The following ABHD17B variants were observed in gnomAD, a reference collection of about 807,000 sequenced individuals.
ABHD17B encodes alpha/beta hydrolase domain-containing protein 17B.
Under a neutral mutation model 26.2 loss-of-function variants are expected in ABHD17B, and 9 were observed. The ratio of observed to expected loss-of-function variants is 0.34; its 90% CI spans 0.21 to 0.60. The LOEUF is 0.60. Among genes scored for constraint, ABHD17B ranks in the 20% least tolerant of loss-of-function variants. The pLI, the probability that ABHD17B is intolerant of heterozygous loss-of-function variation, is 0.80. For missense variants in ABHD17B, 224 were observed against 352.1 expected (o/e 0.64, Z 2.91); for synonymous variants, 127 against 122.3 (o/e 1.04, Z -0.25).
chr9:71,879,343 G>A (rs931126846), intron 1 of ABHD17B, among the ~76,000 whole-genome samples: 1 of 152,206 alleles, frequency 6.6e-6, no homozygotes, highest in African/African-American at 2.4e-5. Context: ...TGGTGAATAT[G>A]AATACGAAGA....
chr9:71,898,526 C>A (rs1245394028), intron 1 of ABHD17B, among the ~76,000 whole-genome samples: 3 of 151,482 alleles, frequency 2.0e-5, no homozygotes, highest in Admixed American at 6.6e-5. Context: ...GTAATCCCAA[C>A]TACTCAGGAG....
chr9:71,890,623 G>C (rs557276882), intron 1 of ABHD17B, among the ~76,000 whole-genome samples: 3 of 152,250 alleles, frequency 2.0e-5, no homozygotes, highest in Admixed American at 1.3e-4. Context: ...AAAACTCAGA[G>C]AATAAACAGC....
intron 1 of ABHD17B, among the ~76,000 whole-genome samples, chr9:71,895,438 T>C (rs1040902035): frequency 2.0e-5 from 3 of 152,226 alleles, no homozygotes; most frequent in Non-Finnish European, 4.4e-5. Context: ...AAATAGGGTA[T>C]ATAATTGTGT....
chr9:71,886,808 C>G (rs1417614672), intron 1 of ABHD17B, among the ~76,000 whole-genome samples: 1 of 152,108 alleles, frequency 6.6e-6, no homozygotes, highest in African/African-American at 2.4e-5. Flanking sequence ...AAAGTCAGCT[C>G]TGCTTGAAGA....
rs956504567 is a variant in ABHD17B, at chr9:71,905,012, G to C, written c.-4+5622C>G. ...AAAGAATTTTTATAACCCCAGTATAGAGAAGGCTTTCTCCAAAAGAATGAT... is the reference window on the plus strand; with the variant it reads ...AAAGAATTTTTATAACCCCAGTATACAGAAGGCTTTCTCCAAAAGAATGAT... On this transcript the variant is annotated intron_variant, in intron 1 of 3. Transcript: ENST00000333421. 5.3e-5 allele frequency among the ~76,000 whole-genome samples: 8 copies of C among 152,092 alleles called. No homozygotes were observed. In the East Asian group the frequency reaches 1.5e-3, roughly 29 times the overall value.
At chr9:71,892,376 C>G (rs1826811281) in intron 1 of ABHD17B, among the ~76,000 whole-genome samples, 1 of 151,258 alleles carries the variant, frequency 6.6e-6, no homozygotes, top group Admixed American at 6.6e-5. Context: ...ACTAAAAATA[C>G]AAAAAAATTA....
At chr9:71,870,021 T>C in intron 3 of ABHD17B, 62 bp downstream of exon 3, 4 of 1,455,694 alleles carry the variant, frequency 2.7e-6, no homozygotes, top group Non-Finnish European at 3.7e-6. Context: ...CATGAATACT[T>C]TAAATGATGA....
At chr9:71,878,441 G>A (rs1322370138) in intron 1 of ABHD17B, among the ~76,000 whole-genome samples, 2 of 152,000 alleles carry the variant, frequency 1.3e-5, no homozygotes, top group African/African-American at 4.8e-5. Context: ...CAGAATTAAA[G>A]GGGGAAAAAA....
intron 1 of ABHD17B, among the ~76,000 whole-genome samples, chr9:71,905,269 C>A (rs1400149391): frequency 6.6e-6 from 1 of 151,714 alleles, no homozygotes; most frequent in East Asian, 1.9e-4. Flanking sequence ...ATTACAGGCG[C>A]CCACCACTAC....
At chr9:71,909,134 CA>C (rs1433965977) in intron 1 of ABHD17B, among the ~76,000 whole-genome samples, 12 of 152,204 alleles carry the variant, frequency 7.9e-5, no homozygotes, top group African/African-American at 2.9e-4. Context: ...AGCTACTCAT[CA>C]ACTAGAATAC....
chr9:71,884,540 C>A (rs549519329), intron 1 of ABHD17B, among the ~76,000 whole-genome samples: 1 of 149,744 alleles, frequency 6.7e-6, no homozygotes, highest in Non-Finnish European at 1.5e-5. Context: ...GCAAAACAGA[C>A]ATAAACATTA....
chr9:71,871,569 G>T (rs1826114868), intron 2 of ABHD17B, among the ~76,000 whole-genome samples: 1 of 152,196 alleles, frequency 6.6e-6, no homozygotes, highest in Non-Finnish European at 1.5e-5. Flanking sequence ...CATTGTTGGT[G>T]GCAATCATGA....
At chr9:71,900,458 T>A (rs1827098732) in intron 1 of ABHD17B, among the ~76,000 whole-genome samples, 1 of 151,726 alleles carries the variant, frequency 6.6e-6, no homozygotes, top group Admixed American at 6.6e-5. Flanking sequence ...GAGACCAGCC[T>A]GGCCAATAGG....
chr9:71,898,469 T>TAA lies in ABHD17B; in HGVS notation c.-4+12163_-4+12164dup, dbSNP rs1302487869. 4.9e-3 allele frequency among the ~76,000 whole-genome samples: 519 copies of TAA among 104,984 alleles called. 3 individuals are homozygous for TAA. The highest frequency in any genetic ancestry group is 0.022 in the Middle Eastern group (4 of 178). The allele number at this position is 104,984 out of a possible 152,430, so 68.9% of individuals were successfully genotyped here. ...CAACATGGCGAAACTCCATCTCTAC[T>TAA]AAAAAAAAAAAAAAAAAAAATTAGC... On this transcript the variant is annotated intron_variant, in intron 1 of 3. Transcript: ENST00000333421.
chr9:71,873,084 T>TAA (rs1490835315), intron 2 of ABHD17B, among the ~76,000 whole-genome samples: 1 of 151,990 alleles, frequency 6.6e-6, no homozygotes, highest in East Asian at 1.9e-4. Flanking sequence ...CTTTAATATT[T>TAA]AAACATTAAA....
At chr9:71,880,575 G>A (rs958049823) in intron 1 of ABHD17B, among the ~76,000 whole-genome samples, 2 of 152,024 alleles carry the variant, frequency 1.3e-5, no homozygotes, top group South Asian at 2.1e-4. Context: ...AATCTAGAAA[G>A]TATTAAAACA....
chr9:71,877,328 G>C (rs943513082), intron 1 of ABHD17B, among the ~76,000 whole-genome samples: 3 of 152,228 alleles, frequency 2.0e-5, no homozygotes, highest in African/African-American at 7.2e-5. Context: ...ACCATTGACT[G>C]CTGAGCCACA....
rs150203771 is a variant in ABHD17B, at chr9:71,867,711, G to C, written c.648-705C>G. ...TAGCCTCCCCTTCCCAGTTCCTTTT[G>C]CCTGTTCATATACCCAGAAACTGCC... is the stretch of plus-strand genomic sequence containing the variant. On this transcript the variant is annotated intron_variant, in intron 3 of 3. Coordinates refer to ENST00000333421, the MANE Select transcript of ABHD17B (RefSeq NM_001025780.3). 3.7e-3 allele frequency among the ~76,000 whole-genome samples: 559 copies of C among 152,180 alleles called. 3 individuals are homozygous for C. The highest frequency in any genetic ancestry group is 0.013 in the African/African-American group (521 of 41,524).
chr9:71,910,109 G>A (rs1739041212), intron 1 of ABHD17B, among the ~76,000 whole-genome samples: 1 of 151,942 alleles, frequency 6.6e-6, no homozygotes, highest in African/African-American at 2.4e-5. Flanking sequence ...AGCCCCACCG[G>A]AATACACAAA....
Sources: allele counts gnomAD v4.1 joint callset (sites outside exome capture counted in the v4.1 genomes callset), GRCh38; gene constraint gnomAD v4.1.1; transcripts MANE v1.5; gene names NCBI Gene and HGNC (gene_info 2026-07-23, HGNC 2026-07-21).